H2BC12: variants seen among roughly 807,000 people sequenced by gnomAD.
H2BC12 encodes the protein histone H2B type 1-K.
In H2BC12, 6 loss-of-function variants were observed where a neutral mutation model predicts 6.3. The ratio of observed to expected loss-of-function variants is 0.95; its 90% CI spans 0.52 to 1.87. The LOEUF is 1.87. Ranked by LOEUF, H2BC12 falls within the 40% of genes most tolerant of loss-of-function variation. The pLI is 0.01. For synonymous variants in H2BC12, 132 were observed against 78.5 expected, an observed-to-expected ratio of 1.68 and a Z score of -3.60; for missense variants, 119 against 178.4, an observed-to-expected ratio of 0.67 and a Z score of 1.90.
At chr6:27,139,179 G>A in the H2BC12 span, 1 of 980,952 alleles carries the variant, frequency 1.0e-6, no homozygotes, top group Non-Finnish European at 1.5e-6. Context: ...TTCCCTTTTA[G>A]GTCCCCTCCC....
chr6:27,140,997 A>G, the H2BC12 span, among the ~76,000 whole-genome samples: 1 of 152,012 alleles, frequency 6.6e-6, no homozygotes, highest in East Asian at 1.9e-4. Flanking sequence ...CCTTTTCATA[A>G]AGGAGTTATC....
chr6:27,141,721 G>A (rs1194787777), downstream of H2BC12, among the ~76,000 whole-genome samples: 2 of 151,624 alleles, frequency 1.3e-5, no homozygotes, highest in South Asian at 2.1e-4. Context: ...ATATAGTTAT[G>A]TTATTGTTAA....
chr6:27,143,157 G>C (rs1010257376), downstream of H2BC12, among the ~76,000 whole-genome samples: 1 of 151,982 alleles, frequency 6.6e-6, no homozygotes, highest in Non-Finnish European at 1.5e-5. Context: ...TTCAGGACCA[G>C]CCTGGCCAAC....
downstream of H2BC12, among the ~76,000 whole-genome samples, chr6:27,143,737 A>G (rs564463550): frequency 1.5e-4 from 23 of 151,708 alleles, no homozygotes; most frequent in Non-Finnish European, 2.9e-4. Context: ...AATCTGAAGC[A>G]GGCAATTATT....
In H2BC12 at chr6:27,146,800, T is replaced by G; in HGVS notation, c.-2A>C. On this transcript the variant is annotated 5_prime_UTR_variant, in exon 1 of 1. Transcript: ENST00000356950. ...AGCGGACTTCGCTGGTTCCGGCATG[T>G]TGAAGGCGAACTACGAGCCTGAGAC... The G allele has an allele frequency of 6.2e-7, 1 of 1,613,718 alleles. No individual in the cohort carries two copies.
chr6:27,143,881 G>T (rs554132034), downstream of H2BC12, among the ~76,000 whole-genome samples: 246 of 147,876 alleles, frequency 1.7e-3, no homozygotes, highest in African/African-American at 6.1e-3. Flanking sequence ...TTATGAGACA[G>T]GAGACAATTT....
chr6:27,143,846 T>TAAA (rs34292040), downstream of H2BC12, among the ~76,000 whole-genome samples: 1,291 of 113,526 alleles, frequency 0.011, 25 homozygotes, highest in African/African-American at 0.04. Context: ...AACTACTCTT[T>TAAA]AAAAAAAAAA....
chr6:27,141,711 A>G (rs545888330), downstream of H2BC12, among the ~76,000 whole-genome samples: 1 of 152,250 alleles, frequency 6.6e-6, no homozygotes, highest in Non-Finnish European at 1.5e-5. Flanking sequence ...TTTTGTGTCT[A>G]TATAGTTATG....
the H2BC12 span, chr6:27,139,512 GGACGCCGT>G: frequency 6.2e-7 from 1 of 1,613,918 alleles, no homozygotes; most frequent in Non-Finnish European, 8.5e-7. Context: ...ACGTGATCCG[GGACGCCGT>G]GACCTACACG....
At chr6:27,144,819 C>T (rs563972683), downstream of H2BC12, among the ~76,000 whole-genome samples, 17 of 152,148 alleles carry the variant, frequency 1.1e-4, no homozygotes, top group South Asian at 2.3e-3. Context: ...TTATTTGCGA[C>T]GGAGTTTTGC....
downstream of H2BC12, among the ~76,000 whole-genome samples, chr6:27,141,534 C>A (rs1338845750): frequency 2.6e-5 from 4 of 152,094 alleles, no homozygotes. Context: ...ATCACACTCT[C>A]TTAGTAGATA....
the H2BC12 span, chr6:27,139,843 G>A: frequency 1.5e-6 from 1 of 682,564 alleles, no homozygotes; most frequent in South Asian, 2.8e-5. Flanking sequence ...GCCTCTGCTG[G>A]CCAGTAACTT....
the H2BC12 span, chr6:27,139,211 C>T: frequency 2.2e-6 from 3 of 1,386,720 alleles, no homozygotes; most frequent in Admixed American, 2.5e-5. Flanking sequence ...GGACTTCCCG[C>T]CAAAGCTCTT....
chr6:27,143,624 A>G (rs1248685269), downstream of H2BC12, among the ~76,000 whole-genome samples: 1 of 151,190 alleles, frequency 6.6e-6, no homozygotes, highest in East Asian at 1.9e-4. Context: ...GATACTAGAT[A>G]ACAGCAGAGA....
downstream of H2BC12, among the ~76,000 whole-genome samples, chr6:27,142,778 A>G (rs1014042972): frequency 6.6e-6 from 1 of 150,840 alleles, no homozygotes; most frequent in Non-Finnish European, 1.5e-5. Context: ...CTGGGACTAC[A>G]CTCATGTGAA....
downstream of H2BC12, among the ~76,000 whole-genome samples, chr6:27,144,954 C>T (rs993292746): frequency 2.0e-5 from 3 of 152,068 alleles, 1 homozygote; most frequent in South Asian, 6.2e-4. Flanking sequence ...CTACCACGCC[C>T]CCCCTAATTT....
downstream of H2BC12, among the ~76,000 whole-genome samples, chr6:27,142,620 T>G (rs1037656114): frequency 6.7e-6 from 1 of 148,390 alleles, no homozygotes; most frequent in Non-Finnish European, 1.5e-5. Flanking sequence ...GTATGACGTA[T>G]TACATTCCCC....
In H2BC12 at chr6:27,146,551, T is replaced by A. The variant is rs1241797282; in HGVS notation, c.248A>T (p.His83Leu). 1 of 1,614,130 alleles carries A rather than the reference T, an allele frequency of 6.2e-7. No homozygotes were observed. Among genetic ancestry groups the A allele is most frequent in the Non-Finnish European group, 8.5e-7 (1 of 1,180,054 alleles). Residue 83 changes from histidine (H) to leucine (L), a missense_variant, in exon 1 of 1, where the codon CAT (histidine) becomes CTT (leucine). By Grantham distance (99) the His-to-Leu change is moderately conservative (BLOSUM62 -3). Transcript: ENST00000356950. ...RIAGEASRLA[H>L]YNKRSTITSR... ...GGTGATGGTCGAGCGCTTGTTGTAATGCGCCAGGCGGGAAGCCTCACCCGC... is the reference window on the plus strand; with the variant it reads ...GGTGATGGTCGAGCGCTTGTTGTAAAGCGCCAGGCGGGAAGCCTCACCCGC...
chr6:27,145,295 T>C (rs867971278), downstream of H2BC12, among the ~76,000 whole-genome samples: 7 of 142,724 alleles, frequency 4.9e-5, no homozygotes, highest in African/African-American at 1.3e-4. Context: ...ATATGTTAAA[T>C]ACACACACAC....
Sources: gnomAD v4.1 joint callset for allele counts (sites outside exome capture counted in the v4.1 genomes callset) on GRCh38, gnomAD v4.1.1 for gene constraint, MANE v1.5 for transcripts, NCBI Gene and HGNC (gene_info 2026-07-23, HGNC 2026-07-21) for gene names.